Variants in PRR5 observed in about 807,000 individuals in gnomAD.
PRR5 encodes the protein proline-rich protein 5.
In PRR5, 25 loss-of-function variants were observed where a neutral mutation model predicts 30.6. The ratio of observed to expected loss-of-function variants is 0.82; its 90% confidence interval spans 0.60 to 1.14. The LOEUF (loss-of-function observed/expected upper bound fraction) is 1.14. Ranked by LOEUF, PRR5 falls within the 50% of genes most tolerant of loss-of-function variation. PRR5 has a pLI of 0.00. For missense variants in PRR5, 600 were observed against 547.1 expected (o/e 1.10, Z -0.96); for synonymous variants, 286 against 247.1 (o/e 1.16, Z -1.48).
At chr22:44,709,018 C>T (rs1927720076) in intron 1 of PRR5, among the ~76,000 whole-genome samples, 1 of 146,894 alleles carries the variant, frequency 6.8e-6, no homozygotes. Context: ...TGCCCAGGTT[C>T]ATGCAGTGAT....
At chr22:44,687,033 C>T (rs1924811886) in intron 1 of PRR5, among the ~76,000 whole-genome samples, 1 of 152,212 alleles carries the variant, frequency 6.6e-6, no homozygotes, top group Non-Finnish European at 1.5e-5. Flanking sequence ...GCTTGTCCCT[C>T]CCTCAGGCTG....
Position 44,691,728 on chromosome 22 carries a change from T to C in PRR5, c.-10-10764T>C. 6.6e-6 allele frequency among the ~76,000 whole-genome samples: 1 copy of C among 151,934 alleles called. No homozygotes were observed. Among genetic ancestry groups the C allele is most frequent in the East Asian group, 1.9e-4 (1 of 5,184 alleles). Reference sequence around the variant, plus strand: ...GGTAGAGGCTGCAGTGAGCCGAGATTGCACCACTGCATTCCAGCCTGCGCG... The same window carrying C: ...GGTAGAGGCTGCAGTGAGCCGAGATCGCACCACTGCATTCCAGCCTGCGCG... On this transcript the variant is annotated intron_variant, in intron 1 of 8. Transcript: ENST00000006251. This position sits in a 1 kb window ranked among gnomAD's most constrained non-coding sequence, Gnocchi z 4.4.
rs1366815458 is a variant in PRR5, at chr22:44,725,351, A to G, written c.264+59A>G. ...GCCTCATGAGCCAGCCAGAAAGCAC[A>G]GGGGCTCACCTGCCCCCGGGGGTGT... On this transcript the variant is annotated intron_variant, in intron 3 of 7. Transcript: ENST00000336985. 1.4e-5 allele frequency: 23 copies of G among 1,605,860 alleles called. No homozygotes were observed. In the East Asian group the frequency reaches 4.5e-4, roughly 31 times the overall value.
At chr22:44,707,060 C>T (rs1185527245) in intron 1 of PRR5, among the ~76,000 whole-genome samples, 2 of 152,308 alleles carry the variant, frequency 1.3e-5, no homozygotes, top group East Asian at 3.9e-4. Context: ...GACACGAAGT[C>T]TGACCTGCCA....
chr22:44,734,797 T>TG, intron 6 of PRR5: 1 of 607,264 alleles, frequency 1.6e-6, no homozygotes, highest in Non-Finnish European at 2.9e-6. Flanking sequence ...GGGCACACCA[T>TG]GGTCTCCCAG....
chr22:44,679,723 C>T (rs2146939602), intron 1 of PRR5: 2 of 1,243,510 alleles, frequency 1.6e-6, no homozygotes, highest in East Asian at 2.6e-5. Flanking sequence ...ATAATAATAA[C>T]AATAATAGTA....
chr22:44,674,830 C>G (rs1923629754), upstream of PRR5, among the ~76,000 whole-genome samples: 1 of 152,112 alleles, frequency 6.6e-6, no homozygotes, highest in Non-Finnish European at 1.5e-5. Context: ...CCTGTAATCC[C>G]AGCTACTCAG....
chr22:44,699,532 C>A (rs1926069496), upstream of PRR5, among the ~76,000 whole-genome samples: 1 of 152,190 alleles, frequency 6.6e-6, no homozygotes, highest in Non-Finnish European at 1.5e-5. Context: ...CAGTGGGGTC[C>A]AATGTAATCC....
intron 2 of PRR5, among the ~76,000 whole-genome samples, chr22:44,715,983 T>C (rs1011243523): frequency 3.9e-5 from 6 of 152,180 alleles, no homozygotes; most frequent in Non-Finnish European, 5.9e-5. Context: ...AAGGAGTTAC[T>C]GTTAAATTTA....
chr22:44,691,388 C>T lies in PRR5; in HGVS notation c.-10-11104C>T, dbSNP rs1925224012. ...GGGGTTGTGGTGGGGAGGCCGTGGC[C>T]CGCGCTGGGCACAGCATGTACTCAG... On this transcript the variant is annotated intron_variant, in intron 1 of 8. Transcript: ENST00000006251. The surrounding 1 kb of genome is among the most constrained non-coding windows in gnomAD (Gnocchi z 4.4). Among the ~76,000 whole-genome samples the T allele has an allele frequency of 6.6e-6, 1 of 152,072 alleles. No individual in the cohort carries two copies. The highest frequency in any genetic ancestry group is 1.5e-5 in the Non-Finnish European group (1 of 68,004).
chr22:44,722,311 C>T (rs1930061142), intron 2 of PRR5, among the ~76,000 whole-genome samples: 1 of 152,226 alleles, frequency 6.6e-6, no homozygotes, highest in African/African-American at 2.4e-5. Context: ...CTAACATCAC[C>T]TGTCAGGTGG....
chr22:44,735,564 G>C (rs1352921414), intron 7 of PRR5, among the ~76,000 whole-genome samples: 1 of 152,216 alleles, frequency 6.6e-6, no homozygotes, highest in African/African-American at 2.4e-5. Flanking sequence ...AGCCCTGTGG[G>C]CAGCATCCCG....
intron 6 of PRR5, among the ~76,000 whole-genome samples, chr22:44,732,846 A>ACG (rs1922366833): frequency 7.5e-5 from 1 of 13,418 alleles, no homozygotes. Flanking sequence ...ACACACGTGC[A>ACG]CACACGTGCA....
At position 44,702,324 on chromosome 22, in the gene PRR5, C is replaced by T; in HGVS notation, c.-151C>T. 2.6e-6 allele frequency: 3 copies of T among 1,150,422 alleles called. No individual in the cohort carries two copies. The highest frequency in any genetic ancestry group is 3.8e-5 in the East Asian group (1 of 26,288). 71.3% of individuals were successfully genotyped at this position (1,150,422 alleles called of 1,614,324 possible). On this transcript the variant is annotated 5_prime_UTR_variant, in exon 1 of 8. Transcript: ENST00000336985. The stretch of plus-strand genomic sequence containing the variant: ...GGGACCCGAGACGGAGGCGCGGGGC[C>T]GGGGCGGGACCCCGCAGGACCGCTC...
chr22:44,731,223 T>TC, intron 4 of PRR5: 1 of 213,624 alleles, frequency 4.7e-6, no homozygotes, highest in Non-Finnish European at 9.5e-6. Context: ...CTGTGCCAGG[T>TC]GTACCTGTGT....
At chr22:44,670,647 C>T (rs1197636023) in intron 1 of PRR5, among the ~76,000 whole-genome samples, 1 of 152,196 alleles carries the variant, frequency 6.6e-6, no homozygotes, top group East Asian at 1.9e-4. Context: ...GGACTTAATT[C>T]CTCACCGGCA....
At chr22:44,729,941 A>T (rs1417797546) in intron 4 of PRR5, 1 of 985,436 alleles carries the variant, frequency 1.0e-6, no homozygotes, top group East Asian at 1.1e-4. Flanking sequence ...GTGTGTGGGC[A>T]CAGTTCGGCG....
At chr22:44,696,214 G>A (rs1295630059) in intron 1 of PRR5, among the ~76,000 whole-genome samples, 2 of 152,066 alleles carry the variant, frequency 1.3e-5, no homozygotes, top group South Asian at 2.1e-4. Flanking sequence ...ATGAGCCACC[G>A]CGTCCAGCCA....
chr22:44,686,375 C>T (rs999323781), intron 1 of PRR5, among the ~76,000 whole-genome samples: 4 of 152,080 alleles, frequency 2.6e-5, no homozygotes, highest in Non-Finnish European at 4.4e-5. Flanking sequence ...CTCGCTCTGT[C>T]GCCCAGGCTG....
Sources: gnomAD v4.1 joint callset for allele counts (sites outside exome capture counted in the v4.1 genomes callset) on GRCh38, gnomAD v4.1.1 for gene constraint, Gnocchi (gnomAD v3.1) non-coding constraint, MANE v1.5 for transcripts, NCBI Gene and HGNC (gene_info 2026-07-23, HGNC 2026-07-21) for gene names.